The following PCDHGA6 variants were observed in gnomAD, a reference collection of about 807,000 sequenced individuals.
PCDHGA6 encodes the protein protocadherin gamma-A6.
A neutral mutation model predicts 60.6 loss-of-function variants in PCDHGA6; 41 were observed. That is an observed-to-expected ratio of 0.68 (90% CI 0.53 to 0.88). PCDHGA6 has a LOEUF of 0.88. PCDHGA6 is among the 40% of genes least tolerant of loss of function. PCDHGA6 has a pLI of 0.00. For missense variants in PCDHGA6, 1,312 were observed against 1,203.0 expected, an observed-to-expected ratio of 1.09 and a Z score of -1.34; for synonymous variants, 594 against 524.4, an observed-to-expected ratio of 1.13 and a Z score of -1.81.
At chr5:141,466,180 A>AT (rs922532578) in intron 1 of PCDHGA6, among the ~76,000 whole-genome samples, 11 of 151,256 alleles carry the variant, frequency 7.3e-5, no homozygotes, top group South Asian at 2.1e-4. Context: ...TTTTATTTTT[A>AT]TTTTTTTTCA....
At chr5:141,450,587 A>G (rs1396203849) in intron 1 of PCDHGA6, among the ~76,000 whole-genome samples, 1 of 151,720 alleles carries the variant, frequency 6.6e-6, no homozygotes, top group East Asian at 1.9e-4. Flanking sequence ...CCCAGGTTCA[A>G]GCAATTCTCC....
chr5:141,504,755 T>A (rs953075905), intron 2 of PCDHGA6, among the ~76,000 whole-genome samples: 13 of 151,824 alleles, frequency 8.6e-5, no homozygotes, highest in Non-Finnish European at 1.5e-5. Flanking sequence ...ATTTTAGAAA[T>A]TTCTTCTCCC....
chr5:141,482,016 C>T (rs2099550411), intron 1 of PCDHGA6, among the ~76,000 whole-genome samples: 1 of 148,596 alleles, frequency 6.7e-6, no homozygotes, highest in African/African-American at 2.5e-5. Context: ...TCTCAGGAAG[C>T]AGAGGTTGCA....
intron 1 of PCDHGA6, chr5:141,379,744 G>T (rs1333166422): frequency 6.6e-6 from 1 of 152,052 alleles, no homozygotes; most frequent in African/African-American, 2.4e-5. Flanking sequence ...GCTAAATGAG[G>T]TTCTTTAATC....
intron 1 of PCDHGA6, chr5:141,422,145 G>A: frequency 1.3e-6 from 2 of 1,580,726 alleles, no homozygotes; most frequent in Non-Finnish European, 8.6e-7. Context: ...AAGTACGGGG[G>A]TCTCTGGATT....
rs2099884413 is a variant in PCDHGA6, at chr5:141,512,781, G to A, written c.*1608G>A. ...CCTTGATCTGCCCGCGGCGGCCCGT[G>A]TTGTGTTTTGTGCTGTGTCCACGCG... is the stretch of plus-strand genomic sequence containing the variant. On this transcript the variant is annotated 3_prime_UTR_variant, in exon 4 of 4. Transcript: ENST00000517434. 1 of 152,534 alleles carries A rather than the reference G, an allele frequency of 6.6e-6. No individual in the cohort carries two copies. Among genetic ancestry groups the A allele is most frequent in the African/African-American group, 2.4e-5 (1 of 41,444 alleles). 9.4% of individuals were successfully genotyped at this position (152,534 alleles called of 1,614,324 possible). A position where few individuals can be genotyped will look rare whatever the true frequency, so the allele number is the denominator to read the frequency against.
At chr5:141,415,422 G>A (rs769839324) in intron 1 of PCDHGA6, 3 of 1,614,204 alleles carry the variant, frequency 1.9e-6, no homozygotes, top group East Asian at 2.2e-5. Context: ...GCGTGGACGG[G>A]GTTCGGGCTT....
chr5:141,409,130 G>A, intron 1 of PCDHGA6: 1 of 1,613,994 alleles, frequency 6.2e-7, no homozygotes, highest in South Asian at 1.1e-5. Context: ...ATTTGATTTT[G>A]AAGATGTAGA....
intron 1 of PCDHGA6, among the ~76,000 whole-genome samples, chr5:141,464,689 TATTATGA>T (rs1378742227): frequency 4.6e-5 from 7 of 152,182 alleles, no homozygotes; most frequent in Admixed American, 2.6e-4. Context: ...AAATTTCTCT[TATTATGA>T]ATGAGGTTAA....
chr5:141,476,417 C>A lies in PCDHGA6; in HGVS notation c.2425-18390C>A. ...GGATCGAGAGGAGCTGTGTGGGACA[C>A]TGCCCTCTTGCACTGTAACTCTGGA... is the stretch of plus-strand genomic sequence containing the variant. On this transcript the variant is annotated intron_variant, in intron 1 of 3. Coordinates refer to ENST00000517434, the MANE Select transcript of PCDHGA6 (RefSeq NM_018919.3). This position sits in a 1 kb window ranked among gnomAD's most constrained non-coding sequence, Gnocchi z 7.6. The A allele has an allele frequency of 6.2e-7, 1 of 1,614,112 alleles. No homozygotes were observed. The highest frequency in any genetic ancestry group is 8.5e-7 in the Non-Finnish European group (1 of 1,179,994).
rs369794418 is a variant in PCDHGA6, at chr5:141,497,143, G to A, written c.2483+2278G>A. Among the ~76,000 whole-genome samples the A allele has an allele frequency of 7.3e-5, 11 of 150,108 alleles. No individual in the cohort carries two copies. In the East Asian group the frequency reaches 1.6e-3, roughly 21 times the overall value. On this transcript the variant is annotated intron_variant, in intron 2 of 3. Coordinates refer to ENST00000517434, the MANE Select transcript of PCDHGA6 (RefSeq NM_018919.3). ...AGAGGTTGCAGTGAGCTGAGATCAC[G>A]AAAAAAAAATAATCTAGCCACAAAT...
chr5:141,393,664 T>A, intron 1 of PCDHGA6: 1 of 1,613,772 alleles, frequency 6.2e-7, no homozygotes. Context: ...TTCCGGAAAA[T>A]TAATGAAAAA....
At position 141,398,516 on chromosome 5, in the gene PCDHGA6, C is replaced by G. The variant is rs779535322; in HGVS notation, c.2424+22009C>G. On this transcript the variant is annotated intron_variant, in intron 1 of 3. Coordinates refer to ENST00000517434, the MANE Select transcript of PCDHGA6 (RefSeq NM_018919.3). ...GAGATCGAGGACATTAATGACCACA[C>G]GCCAAAATTCACGCAAAATTCCTTT... is the stretch of plus-strand genomic sequence containing the variant. The G allele has an allele frequency of 4.4e-5, 70 of 1,598,584 alleles. No individual in the cohort carries two copies. The highest frequency in any genetic ancestry group is 4.3e-4 in the Admixed American group (25 of 58,660).
Position 141,375,524 on chromosome 5 carries a change from G to T in PCDHGA6, c.1441G>T (p.Val481Leu). 1 of 1,613,986 alleles carries T rather than the reference G, an allele frequency of 6.2e-7. No homozygotes were observed. The highest frequency in any genetic ancestry group is 1.7e-5 in the Admixed American group (1 of 60,030). The stretch of plus-strand genomic sequence containing the variant: ...CTCTGTGAATGCACTGGACCCTGAC[G>T]TGGACCAGAACGCCCAAGTCTCCTA... ...IFSVNALDPD[V>L]DQNAQVSYSL... The change falls in exon 1 of 4, where the codon GTG (valine) becomes TTG (leucine). Residue 481 changes from valine to leucine, a missense_variant. By Grantham distance (32) the Val-to-Leu change is conservative. Coordinates refer to ENST00000517434, the MANE Select transcript of PCDHGA6 (RefSeq NM_018919.3).
At chr5:141,392,763 A>G in intron 1 of PCDHGA6, 4 of 1,480,256 alleles carry the variant, frequency 2.7e-6, no homozygotes, top group Non-Finnish European at 3.6e-6. Context: ...ACTAAATAAG[A>G]CCCATTTATG....
In PCDHGA6 at chr5:141,433,363, CTATCT is replaced by C. The variant is rs2097590943; in HGVS notation, c.2424+56857_2424+56861del. On this transcript the variant is annotated intron_variant, in intron 1 of 3. Transcript: ENST00000517434. ...TGCAAGCCACCTACTGTCTGCCTAT[CTATCT>C]ATCTATCTATCTATCTATCTATCTA... 4 of 463,386 alleles carry C rather than the reference CTATCT, an allele frequency of 8.6e-6. No homozygotes were observed. The African/African-American group carries it at 1.1e-4, about 13-fold the overall frequency. 28.7% of individuals were successfully genotyped at this position (463,386 alleles called of 1,614,324 possible). A position where few individuals can be genotyped will look rare whatever the true frequency, so the allele number is the denominator to read the frequency against.
At chr5:141,464,816 G>A (rs11167751) in intron 1 of PCDHGA6, among the ~76,000 whole-genome samples, 42,470 of 151,904 alleles carry the variant, frequency 0.28, 6,668 homozygotes, top group African/African-American at 0.43. Context: ...ATAGCTCACT[G>A]TAGCCTCGCA....
intron 1 of PCDHGA6, among the ~76,000 whole-genome samples, chr5:141,473,916 A>T (rs1014065718): frequency 2.6e-5 from 4 of 152,162 alleles, no homozygotes; most frequent in Non-Finnish European, 4.4e-5. Flanking sequence ...TCTTAAGAAA[A>T]CTATGAGCTG....
intron 1 of PCDHGA6, chr5:141,395,534 G>T: frequency 8.7e-6 from 3 of 344,098 alleles, no homozygotes; most frequent in East Asian, 5.8e-5. Context: ...TGGTAATTTT[G>T]CTATTGTTTG....
Sources: gnomAD v4.1 joint callset for allele counts (sites outside exome capture counted in the v4.1 genomes callset) on GRCh38, gnomAD v4.1.1 for gene constraint, Gnocchi (gnomAD v3.1) non-coding constraint, MANE v1.5 for transcripts, NCBI Gene and HGNC (gene_info 2026-07-23, HGNC 2026-07-21) for gene names.